Variants in STIMATE observed in about 807,000 individuals in gnomAD.
The protein encoded by STIMATE is store-operated calcium entry regulator STIMATE.
Under a neutral mutation model 36.7 loss-of-function variants are expected in STIMATE, and 15 were observed. The ratio of observed to expected loss-of-function variants is 0.41; its 90% CI spans 0.27 to 0.63. STIMATE has a LOEUF of 0.63. Ranked by LOEUF, STIMATE falls within the 20% of genes least tolerant of loss-of-function variation. STIMATE has a pLI of 0.32. For synonymous variants in STIMATE, 163 were observed against 162.3 expected, an observed-to-expected ratio of 1.00 and a Z score of -0.03; for missense variants, 305 against 397.3, an observed-to-expected ratio of 0.77 and a Z score of 1.98.
intron 1 of STIMATE, among the ~76,000 whole-genome samples, chr3:52,881,806 T>A (rs968950409): frequency 2.0e-5 from 3 of 152,238 alleles, no homozygotes; most frequent in African/African-American, 7.2e-5. Flanking sequence ...ATAAGCCCAA[T>A]AGATAAATAT....
At chr3:52,859,992 T>C (rs957124718) in intron 1 of STIMATE, among the ~76,000 whole-genome samples, 4 of 151,178 alleles carry the variant, frequency 2.6e-5, no homozygotes, top group Non-Finnish European at 5.9e-5. Context: ...AGTGTGGGGC[T>C]GTGGGGCTCC....
chr3:52,875,109 T>C (rs1164194276), intron 1 of STIMATE, among the ~76,000 whole-genome samples: 1 of 152,216 alleles, frequency 6.6e-6, no homozygotes, highest in Non-Finnish European at 1.5e-5. Context: ...GGGAGGTCCC[T>C]GTGCTCCTGT....
At chr3:52,870,910 G>A (rs1442400453) in intron 1 of STIMATE, among the ~76,000 whole-genome samples, 1 of 152,048 alleles carries the variant, frequency 6.6e-6, no homozygotes, top group East Asian at 1.9e-4. Context: ...CTGGGGGAAG[G>A]CGGGTGGTGC....
chr3:52,887,749 G>A (rs142343039), intron 1 of STIMATE, among the ~76,000 whole-genome samples: 4 of 152,116 alleles, frequency 2.6e-5, no homozygotes, highest in Non-Finnish European at 5.9e-5. Flanking sequence ...CTGGGAGAAT[G>A]AGATTTCACT....
intron 1 of STIMATE, among the ~76,000 whole-genome samples, chr3:52,865,288 T>A (rs1323324296): frequency 3.3e-5 from 5 of 152,124 alleles, no homozygotes; most frequent in Non-Finnish European, 7.4e-5. Context: ...TTCCCACATT[T>A]TCCTTTCTTC....
In STIMATE at chr3:52,840,717, T is replaced by C. The variant is rs1306967114; in HGVS notation, c.769-107A>G. On this transcript the variant is annotated intron_variant, in intron 7 of 7. Transcript: ENST00000355083. ...AGTCTCATGTTTTTTTTTTTTTTTT[T>C]TGGACAGAGTCTCACCCTGTCACCC... is the stretch of plus-strand genomic sequence containing the variant. 4.9e-6 allele frequency: 5 copies of C among 1,025,662 alleles called. No homozygotes were observed. The African/African-American group carries it at 7.4e-5, about 15-fold the overall frequency. 63.5% of individuals were successfully genotyped at this position (1,025,662 alleles called of 1,614,324 possible).
At chr3:52,856,484 C>T (rs891195653) in intron 1 of STIMATE, among the ~76,000 whole-genome samples, 2 of 145,570 alleles carry the variant, frequency 1.4e-5, no homozygotes, top group Non-Finnish European at 3.0e-5. Flanking sequence ...AGTTCGAGAC[C>T]AGCCTGGGTA....
At position 52,848,580 on chromosome 3, in the gene STIMATE, T is replaced by C. The variant is rs1246151344; in HGVS notation, c.427+1212A>G. The C allele has an allele frequency of 2.0e-5, 3 of 152,324 alleles. No individual in the cohort carries two copies. In the East Asian group the frequency reaches 5.8e-4, roughly 29 times the overall value. 9.4% of individuals were successfully genotyped at this position (152,324 alleles called of 1,614,324 possible). On this transcript the variant is annotated intron_variant, in intron 4 of 7. Transcript: ENST00000355083. ...AGGGATCTCAACTGCAAAGTAGTTG[T>C]GAGCACTGTTTGTGGGGGTGGTGGG...
At chr3:52,858,577 G>A (rs531651386) in intron 1 of STIMATE, among the ~76,000 whole-genome samples, 7 of 152,262 alleles carry the variant, frequency 4.6e-5, no homozygotes, top group Non-Finnish European at 7.3e-5. Context: ...GTGAGCTATC[G>A]CATCACTGCA....
chr3:52,844,346 G>C (rs1700857707), intron 5 of STIMATE, among the ~76,000 whole-genome samples: 1 of 152,254 alleles, frequency 6.6e-6, no homozygotes, highest in South Asian at 2.1e-4. Flanking sequence ...TCGGGGATGA[G>C]GAGTGGGGGT....
chr3:52,877,396 T>C (rs972024106), intron 1 of STIMATE, among the ~76,000 whole-genome samples: 1 of 152,180 alleles, frequency 6.6e-6, no homozygotes, highest in Non-Finnish European at 1.5e-5. Context: ...TCTCATGCCA[T>C]AGTCTAGAAC....
At chr3:52,853,655 TC>T (rs11291203) in intron 2 of STIMATE, among the ~76,000 whole-genome samples, 137,893 of 152,164 alleles carry the variant, frequency 0.91, 63,833 homozygotes, top group Non-Finnish European at 1. Flanking sequence ...AAGCTAGGTC[TC>T]CCACCAGGTC....
At chr3:52,841,559 A>G (rs4687666) in intron 7 of STIMATE, 135,599 of 152,338 alleles carry the variant, frequency 0.89, 62,255 homozygotes, top group Non-Finnish European at 1. Context: ...AAGCCCACCT[A>G]TGCAGGGAAA....
At chr3:52,841,662 C>G (rs140786951) in intron 7 of STIMATE, 1 of 152,600 alleles carries the variant, frequency 6.6e-6, no homozygotes, top group Admixed American at 6.5e-5. Flanking sequence ...GTCTCGGTCC[C>G]GACCACCACA....
rs547656140 is a variant in STIMATE, at chr3:52,865,096, G to A, written c.161-9652C>T. Reference sequence around the variant, plus strand: ...TGAGTAGCTGGGACTACAGGCGCCTGCCACCATGCCCAGCTAATTTTTGTA... The same window carrying A: ...TGAGTAGCTGGGACTACAGGCGCCTACCACCATGCCCAGCTAATTTTTGTA... On this transcript the variant is annotated intron_variant, in intron 1 of 7. Transcript: ENST00000355083. Among the ~76,000 whole-genome samples the A allele has an allele frequency of 2.5e-4, 38 of 152,094 alleles. No individual in the cohort carries two copies. In the East Asian group the frequency reaches 6.2e-3, roughly 25 times the overall value.
intron 1 of STIMATE, among the ~76,000 whole-genome samples, chr3:52,888,381 A>G (rs919281075): frequency 6.6e-6 from 1 of 152,130 alleles, no homozygotes; most frequent in African/African-American, 2.4e-5. Context: ...ATGCACATAA[A>G]CTGAGTGCAG....
At position 52,843,098 on chromosome 3, in the gene STIMATE, G is replaced by T. The variant is rs1202581145; in HGVS notation, c.619-138C>A. 3 of 1,410,530 alleles carry T rather than the reference G, an allele frequency of 2.1e-6. No individual in the cohort carries two copies. The East Asian group carries it at 7.5e-5, about 35-fold the overall frequency. 87.4% of individuals were successfully genotyped at this position (1,410,530 alleles called of 1,614,324 possible). On this transcript the variant is annotated intron_variant, in intron 6 of 7. Transcript: ENST00000355083. ...AAGAAAAACCCAATCCAATCACCCT[G>T]CTCTCTCCCAAAGCTTAGAAAGAGA...
Position 52,838,456 on chromosome 3 carries a change from G to A in STIMATE, c.*2038C>T, listed in dbSNP as rs1700743133. 1 of 152,230 alleles carries A rather than the reference G, an allele frequency of 6.6e-6. No individual in the cohort carries two copies. The highest frequency in any genetic ancestry group is 1.5e-5 in the Non-Finnish European group (1 of 68,054). The allele number at this position is 152,230 out of a possible 1,614,324, so 9.4% of individuals were successfully genotyped here. A position where few individuals can be genotyped will look rare whatever the true frequency, so the allele number is the denominator to read the frequency against. ...ATTAGAACTGAGTCAGTGATGCCAT[G>A]AGGGAATGACCGTCCTGTCAGGAAC... On this transcript the variant is annotated 3_prime_UTR_variant, in exon 8 of 8. Transcript: ENST00000355083.
chr3:52,895,003 G>A (rs1021401694), intron 1 of STIMATE, among the ~76,000 whole-genome samples: 2 of 152,240 alleles, frequency 1.3e-5, no homozygotes, highest in African/African-American at 4.8e-5. Flanking sequence ...GCTGCGAGGG[G>A]GACCCTCGTC....
Sources: gnomAD v4.1 joint callset for allele counts (sites outside exome capture counted in the v4.1 genomes callset) on GRCh38, gnomAD v4.1.1 for gene constraint, MANE v1.5 for transcripts, NCBI Gene and HGNC (gene_info 2026-07-23, HGNC 2026-07-21) for gene names.